The following AOPEP variants were observed in gnomAD, a reference collection of about 807,000 sequenced individuals.
The protein encoded by AOPEP is aminopeptidase O (putative), also known as aminopeptidase O.
Under a neutral mutation model 98.1 loss-of-function variants are expected in AOPEP, and 77 were observed. The observed-to-expected ratio is 0.78, with a 90% CI of 0.65 to 0.95. The LOEUF is 0.95. Among genes scored for constraint, AOPEP ranks in the 40% least tolerant of loss-of-function variants. AOPEP has a pLI of 0.00. For synonymous variants in AOPEP, 346 were observed against 365.3 expected (o/e 0.95, Z 0.60); for missense variants, 1,024 against 1,024.7 (o/e 1.00, Z 0.01).
the AOPEP span, chr9:95,127,401 T>C: frequency 6.6e-6 from 1 of 152,270 alleles, no homozygotes; most frequent in Non-Finnish European, 1.5e-5. Context: ...GAAGGCAATG[T>C]TTCCACAGAC....
chr9:94,767,555 A>C (rs1363400438), intron 2 of AOPEP, among the ~76,000 whole-genome samples: 1 of 152,236 alleles, frequency 6.6e-6, no homozygotes, highest in Non-Finnish European at 1.5e-5. Context: ...TCAGATAGTC[A>C]TCTTAGGTCT....
chr9:94,933,057 C>T, intron 7 of AOPEP: 1 of 985,476 alleles, frequency 1.0e-6, no homozygotes, highest in Non-Finnish European at 1.2e-6. Context: ...CCAGACTCTT[C>T]ATCTCCTCTC....
chr9:94,920,588 A>G (rs886095016), intron 5 of AOPEP, among the ~76,000 whole-genome samples: 16 of 152,176 alleles, frequency 1.1e-4, no homozygotes, highest in Non-Finnish European at 5.9e-5. Context: ...ATCAAACACC[A>G]GCTCCTACTT....
chr9:95,141,775 TGATA>T, the AOPEP span, among the ~76,000 whole-genome samples: 1 of 152,188 alleles, frequency 6.6e-6, no homozygotes, highest in Non-Finnish European at 1.5e-5. Context: ...TAGGTTCTTC[TGATA>T]GATAATGAAT....
intron 13 of AOPEP, among the ~76,000 whole-genome samples, chr9:95,041,446 G>GTGT (rs200579150): frequency 0.25 from 35,369 of 141,946 alleles, 4,985 homozygotes; most frequent in Non-Finnish European, 0.33. Context: ...AGTCCTTGGG[G>GTGT]GTGTGTGTGT....
intron 5 of AOPEP, 103 bp from the exon 6 acceptor site, chr9:94,923,883 A>AT: frequency 1.5e-6 from 1 of 689,624 alleles, no homozygotes; most frequent in Non-Finnish European, 2.2e-6. Context: ...TAGCATGCAC[A>AT]TGATAATAAC....
At chr9:94,992,048 C>T (rs1283084020) in intron 11 of AOPEP, among the ~76,000 whole-genome samples, 1 of 152,142 alleles carries the variant, frequency 6.6e-6, no homozygotes, top group African/African-American at 2.4e-5. Context: ...TTTTTCATAT[C>T]CTCTTATTTG....
At chr9:95,124,951 G>T in the AOPEP span, 1 of 756,642 alleles carries the variant, frequency 1.3e-6, no homozygotes, top group Non-Finnish European at 2.3e-6. Context: ...CTTTGTTGGG[G>T]CACTCATTAG....
At chr9:95,017,055 G>T (rs1421803599) in intron 13 of AOPEP, among the ~76,000 whole-genome samples, 1 of 151,054 alleles carries the variant, frequency 6.6e-6, no homozygotes, top group Non-Finnish European at 1.5e-5. Flanking sequence ...CCATTAATTT[G>T]GTGTCCAAGA....
chr9:94,749,607 C>T (rs1040243714), intron 1 of AOPEP, among the ~76,000 whole-genome samples: 3 of 152,160 alleles, frequency 2.0e-5, no homozygotes, highest in African/African-American at 4.8e-5. Context: ...TTCTATGTAA[C>T]TATTTTCTGG....
chr9:95,124,289 C>T, the AOPEP span, among the ~76,000 whole-genome samples: 3 of 152,096 alleles, frequency 2.0e-5, no homozygotes, highest in African/African-American at 7.2e-5. Context: ...GGACCAGCAC[C>T]ACTCTCGACA....
chr9:94,737,544 A>G (rs1202031773), intron 1 of AOPEP, among the ~76,000 whole-genome samples: 1 of 152,210 alleles, frequency 6.6e-6, no homozygotes. Flanking sequence ...TTATTGCATC[A>G]GCATTAATGC....
At chr9:95,050,194 C>T (rs1232475728) in intron 13 of AOPEP, among the ~76,000 whole-genome samples, 2 of 152,206 alleles carry the variant, frequency 1.3e-5, no homozygotes, top group East Asian at 3.8e-4. Context: ...CAAACAGACT[C>T]GATGTTGTTC....
At chr9:94,829,008 A>G (rs1346957959) in intron 5 of AOPEP, among the ~76,000 whole-genome samples, 2 of 151,684 alleles carry the variant, frequency 1.3e-5, no homozygotes, top group African/African-American at 4.8e-5. Context: ...AGCTGGGATT[A>G]CAGGCGCGGG....
At chr9:94,932,839 A>G (rs1160120136) in intron 7 of AOPEP, 1 of 985,228 alleles carries the variant, frequency 1.0e-6, no homozygotes, top group Non-Finnish European at 1.2e-6. Context: ...TGTGTCTGAG[A>G]TTGACTTCCT....
chr9:95,092,823 G>A, the AOPEP span, among the ~76,000 whole-genome samples: 1 of 152,152 alleles, frequency 6.6e-6, no homozygotes, highest in Non-Finnish European at 1.5e-5. Flanking sequence ...CGACTGGATC[G>A]GACGCTCATG....
chr9:94,895,219 T>TAATAAAAAAAAAAA (rs1204411552), intron 5 of AOPEP, among the ~76,000 whole-genome samples: 1 of 60,690 alleles, frequency 1.6e-5, no homozygotes, highest in South Asian at 7.0e-4. Context: ...TCATCTCTAC[T>TAATAAAAAAAAAAA]AAAAAAAAAT....
the AOPEP span, among the ~76,000 whole-genome samples, chr9:95,144,807 T>C: frequency 1.3e-5 from 2 of 152,268 alleles, no homozygotes; most frequent in East Asian, 3.9e-4. Flanking sequence ...GTGAAGCGTG[T>C]GCTCCATTGC....
chr9:94,831,195 T>C (rs1855889159), intron 5 of AOPEP, among the ~76,000 whole-genome samples: 1 of 152,250 alleles, frequency 6.6e-6, no homozygotes, highest in African/African-American at 2.4e-5. Context: ...GTTTTACATT[T>C]AAGTCTTTAA....
Sources: allele counts gnomAD v4.1 joint callset (sites outside exome capture counted in the v4.1 genomes callset), GRCh38; gene constraint gnomAD v4.1.1; transcripts MANE v1.5; gene names NCBI Gene and HGNC (gene_info 2026-07-23, HGNC 2026-07-21).